Variants in ZNF679 observed in about 807,000 individuals in gnomAD.
ZNF679 encodes hypothetical protein MGC42415.
ZNF679 carries 10 observed loss-of-function variants against 13.4 expected under a neutral mutation model. The ratio of observed to expected loss-of-function variants is 0.75; its 90% confidence interval spans 0.46 to 1.27. The LOEUF is 1.27. ZNF679 is among the 50% of genes most tolerant of loss of function. The probability of loss-of-function intolerance (pLI) is 0.00; values close to 1 mark genes in which losing one functional copy is unlikely to be tolerated. For synonymous variants in ZNF679, 179 were observed against 162.5 expected (o/e 1.10, Z -0.77); for missense variants, 525 against 477.8 (o/e 1.10, Z -0.92).
intron 1 of ZNF679, among the ~76,000 whole-genome samples, chr7:64,237,713 A>T (rs1322626995): frequency 6.6e-6 from 1 of 152,216 alleles, no homozygotes; most frequent in Non-Finnish European, 1.5e-5. Context: ...TCCCCAGTGC[A>T]CACACCAGTG....
At chr7:64,238,274 T>G (rs1787753043) in intron 1 of ZNF679, among the ~76,000 whole-genome samples, 1 of 152,170 alleles carries the variant, frequency 6.6e-6, no homozygotes, top group Admixed American at 6.5e-5. Flanking sequence ...CCCTCCATTC[T>G]GCCCTCCTCT....
chr7:64,255,008 A>AAAG (rs1787985860), intron 2 of ZNF679, among the ~76,000 whole-genome samples: 1 of 150,348 alleles, frequency 6.7e-6, no homozygotes, highest in Non-Finnish European at 1.5e-5. Context: ...TCAAAAAAAA[A>AAAG]AAAAAAAAAG....
intron 1 of ZNF679, among the ~76,000 whole-genome samples, chr7:64,245,011 G>A (rs1012833462): frequency 1.6e-4 from 24 of 152,152 alleles, no homozygotes; most frequent in African/African-American, 5.5e-4. Context: ...GTTTGTTTCA[G>A]GGACTTCTTC....
chr7:64,259,616 A>G (rs1158071584), intron 2 of ZNF679, among the ~76,000 whole-genome samples: 2 of 152,144 alleles, frequency 1.3e-5, no homozygotes, highest in Non-Finnish European at 2.9e-5. Flanking sequence ...AACTTTGCAT[A>G]AAACTGGTGT....
intron 1 of ZNF679, among the ~76,000 whole-genome samples, chr7:64,242,768 AT>A (rs55654659): frequency 0.3 from 45,093 of 148,862 alleles, 7,500 homozygotes; most frequent in East Asian, 0.48. Context: ...ATCACCTGTG[AT>A]TTTTTTTTTT....
At chr7:64,251,808 A>G (rs990008319) in intron 2 of ZNF679, among the ~76,000 whole-genome samples, 10 of 152,228 alleles carry the variant, frequency 6.6e-5, no homozygotes, top group African/African-American at 2.4e-4. Flanking sequence ...TATGAAGTGT[A>G]GCCTTGCAAG....
chr7:64,260,134 G>T (rs766601254), intron 2 of ZNF679, 87 bp from the exon 3 acceptor site: 246 of 1,207,796 alleles, frequency 2.0e-4, no homozygotes, highest in Non-Finnish European at 5.2e-5. Context: ...TCTCTAACTT[G>T]AGTCAAATAA....
chr7:64,261,071 GCT>G, intron 4 of ZNF679, 142 bp downstream of exon 4: 2 of 845,722 alleles, frequency 2.4e-6, no homozygotes, highest in Non-Finnish European at 3.6e-6. Context: ...TTTTTCTTTT[GCT>G]CTCAGATAGG....
chr7:64,238,450 C>T (rs541349899), intron 1 of ZNF679, among the ~76,000 whole-genome samples: 9 of 152,176 alleles, frequency 5.9e-5, no homozygotes, highest in East Asian at 5.8e-4. Context: ...TGCAGTGGTG[C>T]GATCTCAGCT....
At chr7:64,255,878 G>A (rs1417355967) in intron 2 of ZNF679, among the ~76,000 whole-genome samples, 1 of 151,984 alleles carries the variant, frequency 6.6e-6, no homozygotes, top group Admixed American at 6.6e-5. Flanking sequence ...CAAAGGGTTG[G>A]GATTACAGGT....
At chr7:64,261,022 C>T in intron 4 of ZNF679, 93 bp downstream of exon 4, 3 of 1,307,606 alleles carry the variant, frequency 2.3e-6, no homozygotes, top group Non-Finnish European at 3.1e-6. Flanking sequence ...GGGAGATGTG[C>T]TTCCATGGAA....
chr7:64,266,555 T>C lies in ZNF679; in HGVS notation c.922T>C (p.Ser308Pro). The C allele has an allele frequency of 6.2e-7, 1 of 1,612,512 alleles. No homozygotes were observed. Among genetic ancestry groups the C allele is most frequent in the Non-Finnish European group, 8.5e-7 (1 of 1,178,788 alleles). ...AGAATGTGGCAAAGCCTTTAGCTTA[T>C]CCTCATCCCTCACTTACCACAAGAG... ...CEECGKAFSL[S>P]SSLTYHKRIH... The change falls in exon 5 of 5, where the codon TCC becomes CCC. Residue 308 changes from serine to proline, a missense_variant. By Grantham distance (74) the Ser-to-Pro change is moderately conservative (BLOSUM62 -1). Transcript: ENST00000421025.
chr7:64,261,871 T>A (rs138949284), intron 4 of ZNF679, among the ~76,000 whole-genome samples: 4,907 of 151,532 alleles, frequency 0.032, 180 homozygotes, highest in East Asian at 0.17. Flanking sequence ...TTTTTTTTTT[T>A]TTTTGAGACT....
At chr7:64,232,562 A>C (rs1341413471) in intron 1 of ZNF679, among the ~76,000 whole-genome samples, 2 of 152,198 alleles carry the variant, frequency 1.3e-5, no homozygotes, top group Non-Finnish European at 2.9e-5. Context: ...GATATGTCAC[A>C]ATACCCACTG....
intron 1 of ZNF679, among the ~76,000 whole-genome samples, chr7:64,244,838 G>A (rs1294467581): frequency 1.3e-5 from 2 of 152,138 alleles, no homozygotes; most frequent in African/African-American, 4.8e-5. Context: ...AGCTTGCAAA[G>A]GTTGTTTACT....
chr7:64,248,982 G>A (rs1416334570), intron 1 of ZNF679, 46 bp from the exon 2 acceptor site: 11 of 1,264,566 alleles, frequency 8.7e-6, no homozygotes, highest in South Asian at 1.3e-5. Flanking sequence ...GAGAGAACAG[G>A]ATGCCTCCGT....
intron 2 of ZNF679, among the ~76,000 whole-genome samples, chr7:64,252,871 C>T (rs1787960320): frequency 6.6e-6 from 1 of 152,198 alleles, no homozygotes; most frequent in East Asian, 1.9e-4. Context: ...GCACCTGCCG[C>T]CATGCCCGGC....
intron 1 of ZNF679, 40 bp downstream of exon 1, chr7:64,228,692 T>C (rs942893857): frequency 5.3e-5 from 8 of 152,204 alleles, no homozygotes; most frequent in Non-Finnish European, 1.0e-4. Context: ...GTCTTAACAC[T>C]GGACAGGATC....
intron 1 of ZNF679, among the ~76,000 whole-genome samples, chr7:64,242,574 A>T (rs527776614): frequency 6.6e-6 from 1 of 152,168 alleles, no homozygotes; most frequent in Non-Finnish European, 1.5e-5. Flanking sequence ...GGCATGATCC[A>T]ACTGTGGACT....
Sources: gnomAD v4.1 joint callset for allele counts (sites outside exome capture counted in the v4.1 genomes callset) on GRCh38, gnomAD v4.1.1 for gene constraint, MANE v1.5 for transcripts, NCBI Gene and HGNC (gene_info 2026-07-23, HGNC 2026-07-21) for gene names.